The following ADAMTS18 variants were observed in gnomAD, a reference collection of about 807,000 sequenced individuals.
ADAMTS18 encodes A disintegrin and metalloproteinase with thrombospondin motifs 18.
In ADAMTS18, 157 loss-of-function variants were observed where a neutral mutation model predicts 165.9. That is an observed-to-expected ratio of 0.95 (90% confidence interval 0.83 to 1.08). The LOEUF (loss-of-function observed/expected upper bound fraction) is 1.08. Among genes scored for constraint, ADAMTS18 ranks in the 50% least tolerant of loss-of-function variants. The probability of loss-of-function intolerance (pLI) is 0.00; values close to 1 mark genes in which losing one functional copy is unlikely to be tolerated. For missense variants in ADAMTS18, 2,040 were observed against 1,534.0 expected, an observed-to-expected ratio of 1.33 and a Z score of -5.51; for synonymous variants, 782 against 578.2, an observed-to-expected ratio of 1.35 and a Z score of -5.06.
At chr16:77,428,990 T>A (rs1303300163) in intron 3 of ADAMTS18, among the ~76,000 whole-genome samples, 1 of 152,148 alleles carries the variant, frequency 6.6e-6, no homozygotes, top group African/African-American at 2.4e-5. Flanking sequence ...AAACTGCTGG[T>A]GGGGGTGTAA....
Position 77,304,092 on chromosome 16 carries a change from G to A in ADAMTS18, c.2533-3688C>T, listed in dbSNP as rs182476380. The stretch of plus-strand genomic sequence containing the variant: ...AAATGTTTTAGTAAATCTGAGGTGG[G>A]GGAGGAAATCACATTATCATCTAAA... On this transcript the variant is annotated intron_variant, in intron 16 of 22. Transcript: ENST00000282849. Among the ~76,000 whole-genome samples the A allele has an allele frequency of 1.4e-3, 213 of 152,128 alleles. 1 individual carries two copies. The highest frequency in any genetic ancestry group is 2.6e-3 in the Non-Finnish European group (180 of 67,996).
intron 3 of ADAMTS18, among the ~76,000 whole-genome samples, chr16:77,399,682 C>A (rs1044508781): frequency 2.0e-5 from 3 of 152,018 alleles, no homozygotes; most frequent in Non-Finnish European, 4.4e-5. Context: ...AATATGCTGC[C>A]GAGCACAAAG....
intron 17 of ADAMTS18, among the ~76,000 whole-genome samples, chr16:77,299,531 T>G (rs62044015): frequency 0.11 from 16,108 of 152,200 alleles, 1,156 homozygotes; most frequent in East Asian, 0.21. Flanking sequence ...CAGTAGGAAG[T>G]CTCACTGTCA....
intron 11 of ADAMTS18, among the ~76,000 whole-genome samples, chr16:77,339,429 GT>G (rs2144683430): frequency 6.6e-6 from 1 of 152,034 alleles, no homozygotes; most frequent in Non-Finnish European, 1.5e-5. Flanking sequence ...CTCGTGTTCT[GT>G]TTACTGAAGC....
In ADAMTS18 at chr16:77,423,442, G is replaced by A. The variant is rs77426637; in HGVS notation, c.495+7853C>T. ...TTACTATGTGCCAGGTAATGACATC[G>A]GTTTTGATAATGATATAGTAATAAT... On this transcript the variant is annotated intron_variant, in intron 3 of 22. Coordinates refer to ENST00000282849, the MANE Select transcript of ADAMTS18 (RefSeq NM_199355.4). Among the ~76,000 whole-genome samples the A allele has an allele frequency of 4.8e-4, 73 of 152,030 alleles. No homozygotes were observed. In the East Asian group the frequency reaches 9.1e-3, roughly 19 times the overall value.
At chr16:77,340,656 C>T (rs2056384485) in intron 11 of ADAMTS18, among the ~76,000 whole-genome samples, 1 of 152,142 alleles carries the variant, frequency 6.6e-6, no homozygotes, top group African/African-American at 2.4e-5. Flanking sequence ...TCACAGCACA[C>T]TACAGCCTCA....
chr16:77,363,725 G>C lies in ADAMTS18; in HGVS notation c.1056+77C>G, dbSNP rs539189115. On this transcript the variant is annotated intron_variant, in intron 6 of 22. Coordinates refer to ENST00000282849, the MANE Select transcript of ADAMTS18 (RefSeq NM_199355.4). ...CAGCTAACGACTAGTACATGGATTAGTGAACACAGTAGGTGTTCAAGAAAT... is the reference window on the plus strand; with the variant it reads ...CAGCTAACGACTAGTACATGGATTACTGAACACAGTAGGTGTTCAAGAAAT... 30 of 1,325,990 alleles carry C rather than the reference G, an allele frequency of 2.3e-5. 1 individual carries two copies. The Middle Eastern group carries it at 7.3e-4, about 32-fold the overall frequency. The allele number at this position is 1,325,990 out of a possible 1,614,324, so 82.1% of individuals were successfully genotyped here. A position where few individuals can be genotyped will look rare whatever the true frequency, so the allele number is the denominator to read the frequency against.
rs2055538288 is a variant in ADAMTS18 at position 77,299,447 on chromosome 16, T to C, written c.2674+816A>G. ...GACCTACAGATAGGCCTTTCAGACA[T>C]AAGAATTTCTTCATTTTCTGTATCT... On this transcript the variant is annotated intron_variant, in intron 17 of 22. Transcript: ENST00000282849. Among the ~76,000 whole-genome samples the C allele has an allele frequency of 2.6e-5, 4 of 152,212 alleles. No individual in the cohort carries two copies. The South Asian group carries it at 8.3e-4, about 32-fold the overall frequency.
At chr16:77,339,258 G>A (rs1024909359) in intron 11 of ADAMTS18, among the ~76,000 whole-genome samples, 3 of 152,078 alleles carry the variant, frequency 2.0e-5, no homozygotes, top group African/African-American at 4.8e-5. Context: ...ATCATTACAC[G>A]GGAGTGATGA....
chr16:77,285,722 G>C (rs553896567), intron 22 of ADAMTS18, among the ~76,000 whole-genome samples: 31 of 152,186 alleles, frequency 2.0e-4, no homozygotes, highest in African/African-American at 7.5e-4. Flanking sequence ...CTGTGAGTCA[G>C]GTATTTCATT....
intron 3 of ADAMTS18, among the ~76,000 whole-genome samples, chr16:77,393,912 C>T (rs1411735303): frequency 6.6e-6 from 1 of 152,190 alleles, no homozygotes; most frequent in Non-Finnish European, 1.5e-5. Flanking sequence ...GGAACATATC[C>T]ATCCAGTAGG....
intron 3 of ADAMTS18, among the ~76,000 whole-genome samples, chr16:77,400,355 TTAAGAC>T (rs2057309794): frequency 6.6e-6 from 1 of 151,718 alleles, no homozygotes; most frequent in Non-Finnish European, 1.5e-5. Flanking sequence ...ATGGAGTGAG[TTAAGAC>T]CCCTGGGACT....
At chr16:77,314,788 A>ATATATATATATATG (rs2055857442) in intron 16 of ADAMTS18, among the ~76,000 whole-genome samples, 1 of 88,464 alleles carries the variant, frequency 1.1e-5, no homozygotes, top group South Asian at 3.3e-4. Flanking sequence ...ATATATATAA[A>ATATATATATATATG]ATATATGTGA....
intron 16 of ADAMTS18, among the ~76,000 whole-genome samples, chr16:77,315,970 C>T (rs2055879717): frequency 6.6e-6 from 1 of 152,160 alleles, no homozygotes; most frequent in Non-Finnish European, 1.5e-5. Flanking sequence ...CAGTCATCCT[C>T]AAGACAATGA....
At chr16:77,359,472 A>C in intron 7 of ADAMTS18, 49 bp from the exon 8 acceptor site, 1 of 1,460,834 alleles carries the variant, frequency 6.8e-7, no homozygotes, top group South Asian at 1.2e-5. Context: ...GCACACACAG[A>C]TACATGATGA....
At chr16:77,420,481 C>T (rs1471473551) in intron 3 of ADAMTS18, among the ~76,000 whole-genome samples, 3 of 152,138 alleles carry the variant, frequency 2.0e-5, no homozygotes, top group Non-Finnish European at 2.9e-5. Flanking sequence ...TGAGCATAAG[C>T]GTCTGTGTTT....
intron 12 of ADAMTS18, among the ~76,000 whole-genome samples, chr16:77,333,546 G>A (rs540629568): frequency 7.4e-5 from 11 of 149,634 alleles, no homozygotes; most frequent in Non-Finnish European, 1.5e-4. Context: ...AAATCAGCAC[G>A]GTGGTTCCTC....
Position 77,300,310 on chromosome 16 carries a change from T to A in ADAMTS18, c.2627A>T (p.Tyr876Phe), listed in dbSNP as rs372966603. Residue 876 changes from tyrosine (Y) to phenylalanine (F), a missense_variant, in exon 17 of 23, where the codon TAT (tyrosine) becomes TTT (phenylalanine). Transcript: ENST00000282849. ...CTCTGACTGCACGATACTCCAGGTA[T>A]AGGCAGGTCTTTTTGTGGCTGGTGG... ...GTPPATKRPAYTWSIVQSECS... is the reference protein window; with the variant it reads ...GTPPATKRPAFTWSIVQSECS... 1 of 1,614,020 alleles carries A rather than the reference T, an allele frequency of 6.2e-7. No homozygotes were observed. Among genetic ancestry groups the A allele is most frequent in the Non-Finnish European group, 8.5e-7 (1 of 1,179,996 alleles).
intron 10 of ADAMTS18, among the ~76,000 whole-genome samples, chr16:77,352,612 T>C (rs1342415232): frequency 1.3e-5 from 2 of 151,998 alleles, no homozygotes; most frequent in East Asian, 1.9e-4. Flanking sequence ...CTGAAGATGA[T>C]AGTAAATGGT....
Sources: gnomAD v4.1 joint callset for allele counts (sites outside exome capture counted in the v4.1 genomes callset) on GRCh38, gnomAD v4.1.1 for gene constraint, MANE v1.5 for transcripts, NCBI Gene and HGNC (gene_info 2026-07-23, HGNC 2026-07-21) for gene names.